Variants in EVI5L observed in about 807,000 individuals in gnomAD.
The protein encoded by EVI5L is EVI5-like protein.
A neutral mutation model predicts 106.1 loss-of-function variants in EVI5L; 30 were observed. The observed-to-expected ratio is 0.28, with a 90% CI of 0.21 to 0.38. The LOEUF (loss-of-function observed/expected upper bound fraction) is 0.38. Among genes scored for constraint, EVI5L ranks in the 10% least tolerant of loss-of-function variants. The probability of loss-of-function intolerance (pLI) is 1.00; values close to 1 mark genes in which losing one functional copy is unlikely to be tolerated. For synonymous variants in EVI5L, 489 were observed against 483.3 expected (o/e 1.01, Z -0.15); for missense variants, 809 against 1,098.0 (o/e 0.74, Z 3.72).
chr19:7,848,451 G>A lies in EVI5L; in HGVS notation c.328-470G>A, dbSNP rs920215612. Among the ~76,000 whole-genome samples, 4 of 152,118 alleles carry A rather than the reference G, an allele frequency of 2.6e-5. No homozygotes were observed. The highest frequency in any genetic ancestry group is 5.9e-5 in the Non-Finnish European group (4 of 68,030). On this transcript the variant is annotated intron_variant, in intron 3 of 19. Coordinates refer to ENST00000538904, the MANE Select transcript of EVI5L (RefSeq NM_001159944.3). The surrounding 1 kb of genome is among the most constrained non-coding windows in gnomAD (Gnocchi z 4.8). ...GACTCTACTAAAAATACAAAAATTA[G>A]CTGGGCGTGGTGGCGTGCACCTGTA...
Position 7,848,932 on chromosome 19 carries a change from C to T in EVI5L, c.339C>T (p.Arg113=). 1 of 1,609,756 alleles carries T rather than the reference C, an allele frequency of 6.2e-7. No homozygotes were observed. Among genetic ancestry groups the T allele is most frequent in the South Asian group, 1.1e-5 (1 of 91,036 alleles). The part of the protein sequence containing the change: ...RKEKLLKELI[R]KGIPHHFRAI... ...GCTCCCGTGGCCAGGAGCTGATCCG[C>T]AAGGGCATCCCCCACCACTTCCGGG... Residue 113 remains arginine (R), a synonymous_variant, in exon 4 of 20, where the codon CGC becomes CGT. Coordinates refer to ENST00000538904, the MANE Select transcript of EVI5L (RefSeq NM_001159944.3). The surrounding 1 kb of genome is among the most constrained non-coding windows in gnomAD (Gnocchi z 4.8).
Position 7,857,559 on chromosome 19 carries a change from C to A in EVI5L, c.1233+435C>A. On this transcript the variant is annotated intron_variant, in intron 12 of 19. Transcript: ENST00000538904. The surrounding 1 kb of genome is among the most constrained non-coding windows in gnomAD (Gnocchi z 4.5). Reference sequence around the variant, plus strand: ...TGCTCTCTGCTCCTACCTGCAATGCCTGCTACCACCTTCTCTAGCTCACCT... The same window carrying A: ...TGCTCTCTGCTCCTACCTGCAATGCATGCTACCACCTTCTCTAGCTCACCT... 1 of 231,184 alleles carries A rather than the reference C, an allele frequency of 4.3e-6. No individual in the cohort carries two copies. The highest frequency in any genetic ancestry group is 1.2e-4 in the East Asian group (1 of 8,522). 14.3% of individuals were successfully genotyped at this position (231,184 alleles called of 1,614,324 possible). A position where few individuals can be genotyped will look rare whatever the true frequency, so the allele number is the denominator to read the frequency against.
At chr19:7,859,379 T>TGTG (rs1161926412) in intron 13 of EVI5L, among the ~76,000 whole-genome samples, 1 of 151,884 alleles carries the variant, frequency 6.6e-6, no homozygotes, top group Non-Finnish European at 1.5e-5. Flanking sequence ...GGCAGTGGGG[T>TGTG]GTAGGTTGGA....
chr19:7,835,863 C>T lies in EVI5L; in HGVS notation c.-48+5482C>T, dbSNP rs1370786729. Among the ~76,000 whole-genome samples the T allele has an allele frequency of 1.3e-5, 2 of 152,206 alleles. No homozygotes were observed. Among genetic ancestry groups the T allele is most frequent in the South Asian group, 2.1e-4 (1 of 4,834 alleles). ...CAGCAGTCTGTCAGGCTAGACAAATCGGGGTCACATGGCATCTTGGGCTTT... is the reference window on the plus strand; with the variant it reads ...CAGCAGTCTGTCAGGCTAGACAAATTGGGGTCACATGGCATCTTGGGCTTT... On this transcript the variant is annotated intron_variant, in intron 1 of 19. Coordinates refer to ENST00000538904, the MANE Select transcript of EVI5L (RefSeq NM_001159944.3). The surrounding 1 kb of genome is among the most constrained non-coding windows in gnomAD (Gnocchi z 4.1).
At chr19:7,855,454 C>T (rs532826863) in intron 10 of EVI5L, among the ~76,000 whole-genome samples, 4 of 152,340 alleles carry the variant, frequency 2.6e-5, no homozygotes, top group Non-Finnish European at 5.9e-5. Flanking sequence ...GCAAGGGAGA[C>T]GTCTTCGAAA....
chr19:7,864,759 T>A lies in EVI5L; in HGVS notation c.*1057T>A, dbSNP rs1304804773. The A allele has an allele frequency of 6.6e-6, 1 of 151,200 alleles. No homozygotes were observed. The highest frequency in any genetic ancestry group is 1.5e-5 in the Non-Finnish European group (1 of 67,786). The allele number at this position is 151,200 out of a possible 1,614,324, so 9.4% of individuals were successfully genotyped here. On this transcript the variant is annotated 3_prime_UTR_variant, in exon 20 of 20. Coordinates refer to ENST00000538904, the MANE Select transcript of EVI5L (RefSeq NM_001159944.3). The surrounding 1 kb of genome is among the most constrained non-coding windows in gnomAD (Gnocchi z 4.5). Reference sequence around the variant, plus strand: ...TCCCGGAGCCTCCAGTAGAGTAGCGTCACAAGCAATCTCCCTGGCGCTTCC... The same window carrying A: ...TCCCGGAGCCTCCAGTAGAGTAGCGACACAAGCAATCTCCCTGGCGCTTCC...
chr19:7,840,670 CTATG>C (rs199980785), intron 1 of EVI5L, among the ~76,000 whole-genome samples: 1 of 146,312 alleles, frequency 6.8e-6, no homozygotes, highest in Non-Finnish European at 1.6e-5. Context: ...CTTTCTGTCT[CTATG>C]GATTGCCTAT....
At chr19:7,849,795 C>G (rs1568238939) in intron 5 of EVI5L, among the ~76,000 whole-genome samples, 1 of 152,112 alleles carries the variant, frequency 6.6e-6, no homozygotes, top group Non-Finnish European at 1.5e-5. Context: ...GCCGAGTGGC[C>G]CTTGGCAGGT....
intron 10 of EVI5L, 99 bp from the exon 11 acceptor site, chr19:7,855,912 GGCCT>G: frequency 9.3e-7 from 1 of 1,072,696 alleles, no homozygotes; most frequent in East Asian, 3.1e-5. Flanking sequence ...CCGGAAAAGT[GGCCT>G]GGCCCTAAGG....
chr19:7,853,024 G>T, intron 8 of EVI5L, 62 bp from the exon 9 acceptor site: 1 of 1,579,616 alleles, frequency 6.3e-7, no homozygotes, highest in Non-Finnish European at 8.7e-7. Flanking sequence ...ACAGGGCTCG[G>T]GCGGCCCCCG....
Position 7,856,198 on chromosome 19 carries a change from C to A in EVI5L, c.1200+130C>A. 2.1e-6 allele frequency: 2 copies of A among 936,080 alleles called. No individual in the cohort carries two copies. The highest frequency in any genetic ancestry group is 1.4e-6 in the Non-Finnish European group (1 of 703,426). 58.0% of individuals were successfully genotyped at this position (936,080 alleles called of 1,614,324 possible). ...CTGGAGGACTAAGCAGCCCTACCTTCCTGCCCCAGGACCCGACCTGAACCC... is the reference window on the plus strand; with the variant it reads ...CTGGAGGACTAAGCAGCCCTACCTTACTGCCCCAGGACCCGACCTGAACCC... On this transcript the variant is annotated intron_variant, in intron 11 of 19. Coordinates refer to ENST00000538904, the MANE Select transcript of EVI5L (RefSeq NM_001159944.3). The surrounding 1 kb of genome is among the most constrained non-coding windows in gnomAD (Gnocchi z 6.6).
rs1454408403 is a variant in EVI5L, at chr19:7,853,502, G to GC, written c.1146+171dup. The stretch of plus-strand genomic sequence containing the variant: ...ACCTGCGCCGTCCTTCACCTGTTAG[G>GC]CCAGCTGTGAGCGCCTCCCCCGCCT... On this transcript the variant is annotated intron_variant, in intron 10 of 19. Coordinates refer to ENST00000538904, the MANE Select transcript of EVI5L (RefSeq NM_001159944.3). 43 of 887,710 alleles carry GC rather than the reference G, an allele frequency of 4.8e-5. No homozygotes were observed. The South Asian group carries it at 7.1e-4, about 15-fold the overall frequency. 55.0% of individuals were successfully genotyped at this position (887,710 alleles called of 1,614,324 possible).
At chr19:7,834,795 G>C (rs1978317774) in intron 1 of EVI5L, among the ~76,000 whole-genome samples, 1 of 152,136 alleles carries the variant, frequency 6.6e-6, no homozygotes, top group African/African-American at 2.4e-5. Flanking sequence ...CAAAAACTGT[G>C]GGGTAGATAC....
chr19:7,830,723 A>T (rs1030198646), intron 1 of EVI5L, among the ~76,000 whole-genome samples: 1 of 19,042 alleles, frequency 5.3e-5, no homozygotes, highest in African/African-American at 2.3e-4. Context: ...CCATCCCCCC[A>T]CTCCGCCGAT....
rs1238837342 is a variant in EVI5L at position 7,850,262 on chromosome 19, C to G, written c.753+140C>G. 7 of 1,261,544 alleles carry G rather than the reference C, an allele frequency of 5.5e-6. No homozygotes were observed. The highest frequency in any genetic ancestry group is 1.5e-5 in the African/African-American group (1 of 66,764). The allele number at this position is 1,261,544 out of a possible 1,614,324, so 78.1% of individuals were successfully genotyped here. ...CACCTCTTGGACTGAAAATTCCAAG[C>G]CTGTGAAATCACACCTGGACGTTCC... On this transcript the variant is annotated intron_variant, in intron 6 of 19. Coordinates refer to ENST00000538904, the MANE Select transcript of EVI5L (RefSeq NM_001159944.3). The surrounding 1 kb of genome is among the most constrained non-coding windows in gnomAD (Gnocchi z 5.4).
Position 7,849,108 on chromosome 19 carries a change from A to G in EVI5L, c.515A>G (p.Asp172Gly). The G allele has an allele frequency of 6.2e-7, 1 of 1,609,920 alleles. No homozygotes were observed. Among genetic ancestry groups the G allele is most frequent in the Non-Finnish European group, 8.5e-7 (1 of 1,178,090 alleles). ...YPEHEFFKGQ[D>G]SLGQEVLFNV... ...GAACATGAGTTCTTCAAGGGCCAGGACAGCCTGGGCCAGGAGGTCCTCTTC... is the reference window on the plus strand; with the variant it reads ...GAACATGAGTTCTTCAAGGGCCAGGGCAGCCTGGGCCAGGAGGTCCTCTTC... Residue 172 changes from aspartate (D) to glycine (G), a missense_variant, in exon 4 of 20, where the codon GAC (aspartate) becomes GGC (glycine). By Grantham distance (94) the Asp-to-Gly change is moderately conservative. Transcript: ENST00000538904.
chr19:7,858,217 G>T lies in EVI5L; in HGVS notation c.1260G>T (p.Ala420=). The change falls in exon 13 of 20, where the codon GCG becomes GCT. Residue 420 remains alanine, a synonymous_variant. Coordinates refer to ENST00000538904, the MANE Select transcript of EVI5L (RefSeq NM_001159944.3). The surrounding 1 kb of genome is among the most constrained non-coding windows in gnomAD (Gnocchi z 5.7). ...IQGQVTRAQE[A]EENYVIKREL... ...GGCAAGTGACACGGGCGCAGGAGGC[G>T]GAGGAGAACTACGTCATCAAGCGGG... 6.4e-7 allele frequency: 1 copy of T among 1,567,672 alleles called. No homozygotes were observed. Among genetic ancestry groups the T allele is most frequent in the African/African-American group, 1.3e-5 (1 of 74,116 alleles).
At position 7,860,688 on chromosome 19, in the gene EVI5L, A is replaced by C; in HGVS notation, c.1502A>C (p.Lys501Thr). Residue 501 changes from lysine (K) to threonine (T), a missense_variant and splice_region_variant, in exon 14 of 20, where the codon AAG becomes ACG. Lys to Thr is a moderately conservative substitution (Grantham distance 78, BLOSUM62 -1). This residue lies in a region of EVI5L where 452 missense variants were observed against 509.9 expected (regional missense o/e 0.89). Coordinates refer to ENST00000538904, the MANE Select transcript of EVI5L (RefSeq NM_001159944.3). ...CAGGACAAGGTTCTCGACATGGAAA[A>C]GGTGCAATGGGGAGGCAGACGGGCA... is the stretch of plus-strand genomic sequence containing the variant. ...EMQDKVLDME[K>T]RNSSLPDENN... 6.3e-7 allele frequency: 1 copy of C among 1,582,358 alleles called. No homozygotes were observed. The highest frequency in any genetic ancestry group is 1.3e-5 in the African/African-American group (1 of 74,410).
At position 7,846,629 on chromosome 19, in the gene EVI5L, C is replaced by T. The variant is rs977070589; in HGVS notation, c.87C>T (p.Asn29=). ...PTCSPTSDSE[N]LSPDELELLA... ...GCTCCCCAACCTCTGACTCCGAGAA[C>T]CTCAGCCCCGATGAGCTGGAGCTGC... Residue 29 remains asparagine, a synonymous_variant, in exon 2 of 20, where the codon AAC becomes AAT. Coordinates refer to ENST00000538904, the MANE Select transcript of EVI5L (RefSeq NM_001159944.3). The T allele has an allele frequency of 5.0e-6, 8 of 1,613,734 alleles. No individual in the cohort carries two copies. The highest frequency in any genetic ancestry group is 3.3e-4 in the Middle Eastern group (2 of 6,080).
Sources: gnomAD v4.1 joint callset for allele counts (sites outside exome capture counted in the v4.1 genomes callset) on GRCh38, gnomAD v4.1.1 for gene constraint, gnomAD v4.1.1 regional missense constraint, Gnocchi (gnomAD v3.1) non-coding constraint, MANE v1.5 for transcripts, NCBI Gene and HGNC (gene_info 2026-07-23, HGNC 2026-07-21) for gene names.